Variants in IGF2R observed in about 807,000 individuals in gnomAD.
The protein encoded by IGF2R is cation-independent mannose-6-phosphate receptor.
Under a neutral mutation model 270.6 loss-of-function variants are expected in IGF2R, and 91 were observed. That is an observed-to-expected ratio of 0.34 (90% CI 0.28 to 0.40). The LOEUF is 0.40. Ranked by LOEUF, IGF2R falls within the 10% of genes least tolerant of loss-of-function variation. The pLI, the probability that IGF2R is intolerant of heterozygous loss-of-function variation, is 1.00. For missense variants in IGF2R, 2,805 were observed against 3,188.3 expected, an observed-to-expected ratio of 0.88 and a Z score of 2.90; for synonymous variants, 1,316 against 1,258.9, an observed-to-expected ratio of 1.05 and a Z score of -0.96.
chr6:159,973,176 A>G (rs899871293), intron 1 of IGF2R, among the ~76,000 whole-genome samples: 2 of 152,148 alleles, frequency 1.3e-5, no homozygotes, highest in Admixed American at 6.5e-5. Flanking sequence ...AGCAGAGGCC[A>G]GGCCATGCAA....
At chr6:160,079,957 G>A (rs184753775) in intron 38 of IGF2R, among the ~76,000 whole-genome samples, 170 bp downstream of exon 38, 10 of 152,370 alleles carry the variant, frequency 6.6e-5, no homozygotes, top group Admixed American at 6.5e-4. Flanking sequence ...ATGCTGGTGT[G>A]TGAATCACGC....
Position 160,061,914 on chromosome 6 carries a change from T to C in IGF2R, c.3568T>C (p.Cys1190Arg). The change falls in exon 25 of 48, where the codon TGT becomes CGT. Residue 1190 changes from cysteine to arginine, a missense_variant. By Grantham distance (180) the Cys-to-Arg change is radical. Around this residue, in one of 2 missense-constraint regions of IGF2R, gnomAD observed 1,851 missense variants for 2,207.2 expected, o/e 0.84. Coordinates refer to ENST00000356956, the MANE Select transcript of IGF2R (RefSeq NM_000876.4). ...QRFSTRITFE[C>R]AQISGSPAFQ... ...CTTCTCCACCAGGATCACGTTTGAG[T>C]GTGCTCAGATATCGGTGTGTGTTCA... is the stretch of plus-strand genomic sequence containing the variant. The C allele has an allele frequency of 6.2e-7, 1 of 1,614,060 alleles. No homozygotes were observed. The highest frequency in any genetic ancestry group is 8.5e-7 in the Non-Finnish European group (1 of 1,180,004).
chr6:160,006,090 C>G (rs1784223889), intron 2 of IGF2R: 3 of 158,218 alleles, frequency 1.9e-5, no homozygotes, highest in East Asian at 1.9e-4. Flanking sequence ...TGCGCCTCAC[C>G]CCTCACGCCT....
chr6:160,021,742 G>T (rs449276), intron 4 of IGF2R, among the ~76,000 whole-genome samples: 1 of 151,700 alleles, frequency 6.6e-6, no homozygotes, highest in African/African-American at 2.4e-5. Flanking sequence ...GATGTTGGCA[G>T]AGTTGCAGAA....
Position 160,047,142 on chromosome 6 carries a change from A to G in IGF2R, c.2052-17A>G. 6.2e-7 allele frequency: 1 copy of G among 1,613,192 alleles called. No homozygotes were observed. The highest frequency in any genetic ancestry group is 1.1e-5 in the South Asian group (1 of 91,050). The stretch of plus-strand genomic sequence containing the variant: ...GCCCCTCAGGTCTTTGCTGAGAGAA[A>G]CGTGTGTTTATTTCAGTGATGAGAA... On this transcript the variant is annotated splice_polypyrimidine_tract_variant and intron_variant, in intron 15 of 47. Coordinates refer to ENST00000356956, the MANE Select transcript of IGF2R (RefSeq NM_000876.4).
chr6:160,054,327 A>T (rs1778261509), intron 19 of IGF2R, among the ~76,000 whole-genome samples: 1 of 152,190 alleles, frequency 6.6e-6, no homozygotes, highest in Non-Finnish European at 1.5e-5. Context: ...TGAAGACATA[A>T]CATTTAAATA....
In IGF2R at chr6:160,000,728, GTTT is replaced by G. The variant is rs59215791; in HGVS notation, c.290-8259_290-8257del. On this transcript the variant is annotated intron_variant, in intron 2 of 47. Transcript: ENST00000356956. ...GGAAGATAATAGTTGGTGTGAGGTTGTTTTTTTTTTTTTTTTTTTTTTTTTGAG... is the reference window on the plus strand; with the variant it reads ...GGAAGATAATAGTTGGTGTGAGGTTGTTTTTTTTTTTTTTTTTTTTTTGAG... 3.7e-3 allele frequency among the ~76,000 whole-genome samples: 262 copies of G among 69,928 alleles called. 3 individuals carry two copies. The highest frequency in any genetic ancestry group is 0.015 in the African/African-American group (244 of 16,698). 45.9% of individuals were successfully genotyped at this position (69,928 alleles called of 152,430 possible). A position where few individuals can be genotyped will look rare whatever the true frequency, so the allele number is the denominator to read the frequency against.
chr6:159,982,340 T>C lies in IGF2R; in HGVS notation c.150-8844T>C, dbSNP rs114498109. 1.1e-3 allele frequency among the ~76,000 whole-genome samples: 166 copies of C among 152,324 alleles called. 2 individuals are homozygous for C. The highest frequency in any genetic ancestry group is 3.8e-3 in the African/African-American group (159 of 41,572). ...GTCTGATACTGTTGAGGGACAGTAG[T>C]GAGCCAGGTGATTTCTTGAATACTC... On this transcript the variant is annotated intron_variant, in intron 1 of 47. Transcript: ENST00000356956.
At chr6:160,075,262 C>T (rs1279073672) in intron 35 of IGF2R, among the ~76,000 whole-genome samples, 1 of 151,644 alleles carries the variant, frequency 6.6e-6, no homozygotes, top group East Asian at 1.9e-4. Context: ...TTTGTTTATT[C>T]ACTCAAAAAT....
At chr6:160,075,530 G>A (rs543998600) in intron 35 of IGF2R, among the ~76,000 whole-genome samples, 75 of 152,292 alleles carry the variant, frequency 4.9e-4, no homozygotes, top group African/African-American at 1.7e-3. Context: ...TCAGCTGATG[G>A]GAGGACTCTG....
chr6:160,064,764 G>T, intron 28 of IGF2R, 40 bp from the exon 29 acceptor site: 3 of 1,386,234 alleles, frequency 2.2e-6, no homozygotes, highest in Non-Finnish European at 3.1e-6. Flanking sequence ...CTAAAGTTTT[G>T]CATTCTCACT....
At chr6:160,010,434 T>C in intron 3 of IGF2R, 1 of 357,024 alleles carries the variant, frequency 2.8e-6, no homozygotes. Context: ...TCAATGTACT[T>C]GCACAGCTGG....
rs747739849 is a variant in IGF2R at position 160,043,268 on chromosome 6, A to C, written c.1601A>C (p.Asp534Ala). 22 of 1,614,054 alleles carry C rather than the reference A, an allele frequency of 1.4e-5. No homozygotes were observed. In the Admixed American group the frequency reaches 3.7e-4, roughly 27 times the overall value. Reference sequence around the variant, plus strand: ...GGCAAGGCACGAGGGTGTCCCGAGGACGCGGCAGTGTGTGCAGTGGGTGAG... The same window carrying C: ...GGCAAGGCACGAGGGTGTCCCGAGGCCGCGGCAGTGTGTGCAGTGGGTGAG... ...QEGKARGCPE[D>A]AAVCAVDKNG... The change falls in exon 12 of 48, where the codon GAC becomes GCC. Residue 534 changes from aspartate (D) to alanine (A), a missense_variant. By Grantham distance (126) the Asp-to-Ala change is moderately radical. Around this residue, in one of 2 missense-constraint regions of IGF2R, gnomAD observed 954 missense variants for 981.1 expected, o/e 0.97. Transcript: ENST00000356956.
intron 7 of IGF2R, among the ~76,000 whole-genome samples, chr6:160,030,841 A>T (rs1420130588): frequency 1.5e-5 from 2 of 131,120 alleles, no homozygotes; most frequent in Non-Finnish European, 1.6e-5. Context: ...TTTTTTTTTT[A>T]AAGACAGTGT....
intron 42 of IGF2R, among the ~76,000 whole-genome samples, chr6:160,088,766 C>T (rs992974300): frequency 2.4e-4 from 36 of 152,180 alleles, no homozygotes; most frequent in Middle Eastern, 3.2e-3. Context: ...TTGAATGTTG[C>T]ACGGTTTACA....
In IGF2R at chr6:160,078,223, C is replaced by T; in HGVS notation, c.5339C>T (p.Thr1780Ile). The T allele has an allele frequency of 6.2e-7, 1 of 1,614,160 alleles. No homozygotes were observed. The highest frequency in any genetic ancestry group is 8.5e-7 in the Non-Finnish European group (1 of 1,180,004). Residue 1780 changes from threonine (T) to isoleucine (I), a missense_variant, in exon 37 of 48, where the codon ACC (threonine) becomes ATC (isoleucine). Thr to Ile is a moderately conservative substitution (Grantham distance 89, BLOSUM62 -1). Transcript: ENST00000356956. ...VSMGTPKLLR[T>I]SECDFVFEWE... Reference sequence around the variant, plus strand: ...CAGGGAACGCCTAAGCTGTTAAGGACCAGCGAGTGCGACTTTGTGTTCGAA... The same window carrying T: ...CAGGGAACGCCTAAGCTGTTAAGGATCAGCGAGTGCGACTTTGTGTTCGAA...
In IGF2R at chr6:160,110,378, G is replaced by C. The variant is rs954531192; in HGVS notation, c.*5294G>C. On this transcript the variant is annotated 3_prime_UTR_variant, in exon 48 of 48. Coordinates refer to ENST00000356956, the MANE Select transcript of IGF2R (RefSeq NM_000876.4). Reference sequence around the variant, plus strand: ...CAGGGAAATGCACATCATAAACACAGTGAGACGTTGCCTCACACCTGCCAG... The same window carrying C: ...CAGGGAAATGCACATCATAAACACACTGAGACGTTGCCTCACACCTGCCAG... 3.3e-5 allele frequency: 5 copies of C among 152,264 alleles called. No homozygotes were observed. Among genetic ancestry groups the C allele is most frequent in the African/African-American group, 1.2e-4 (5 of 41,462 alleles). 9.4% of individuals were successfully genotyped at this position (152,264 alleles called of 1,614,324 possible).
chr6:160,007,512 A>G (rs1784262677), intron 2 of IGF2R: 1 of 151,930 alleles, frequency 6.6e-6, no homozygotes, highest in Admixed American at 6.5e-5. Context: ...TTTTTCTTTG[A>G]TTTGCTTGAT....
chr6:160,079,913 A>T (rs1053807770), intron 38 of IGF2R, 126 bp downstream of exon 38: 56 of 1,004,412 alleles, frequency 5.6e-5, no homozygotes, highest in Non-Finnish European at 7.0e-5. Flanking sequence ...TTGGGCGTGA[A>T]TGTGAGCTGT....
Sources: allele counts gnomAD v4.1 joint callset (sites outside exome capture counted in the v4.1 genomes callset), GRCh38; gene constraint gnomAD v4.1.1; regional missense constraint gnomAD v4.1.1; transcripts MANE v1.5; gene names NCBI Gene and HGNC (gene_info 2026-07-23, HGNC 2026-07-21).